GRM8: variants seen among roughly 807,000 people sequenced by gnomAD.
GRM8 encodes the protein metabotropic glutamate receptor 8.
GRM8 carries 47 observed loss-of-function variants against 87.2 expected under a neutral mutation model. The observed-to-expected ratio is 0.54, with a 90% CI of 0.43 to 0.69. The LOEUF (loss-of-function observed/expected upper bound fraction) is 0.69, where lower values mean the gene tolerates loss of function less well. Ranked by LOEUF, GRM8 falls within the 30% of genes least tolerant of loss-of-function variation. The pLI is 0.00. For missense variants in GRM8, 1,019 were observed against 1,139.2 expected, an observed-to-expected ratio of 0.89 and a Z score of 1.52; for synonymous variants, 396 against 404.5, an observed-to-expected ratio of 0.98 and a Z score of 0.25.
intron 3 of GRM8, chr7:127,084,264 A>G (rs1473056427): frequency 1.3e-5 from 2 of 152,218 alleles, no homozygotes; most frequent in African/African-American, 4.8e-5. Context: ...TTGGTAGAAT[A>G]TTAAAAATAG....
intron 3 of GRM8, among the ~76,000 whole-genome samples, chr7:126,936,283 G>A (rs542790603): frequency 1.6e-4 from 25 of 152,264 alleles, no homozygotes; most frequent in African/African-American, 6.0e-4. Flanking sequence ...CAGGGAAAGA[G>A]CTGAGTAACA....
At chr7:127,199,578 C>T (rs953511234) in intron 2 of GRM8, among the ~76,000 whole-genome samples, 2 of 152,194 alleles carry the variant, frequency 1.3e-5, no homozygotes, top group African/African-American at 4.8e-5. Context: ...TTACAACCAC[C>T]CCAGTTCCCT....
At chr7:126,939,593 C>A (rs978127955) in intron 3 of GRM8, among the ~76,000 whole-genome samples, 8 of 152,114 alleles carry the variant, frequency 5.3e-5, no homozygotes, top group African/African-American at 1.7e-4. Flanking sequence ...TAGTTAAATA[C>A]CTCATCATAA....
At chr7:126,747,639 A>G (rs1230764567) in intron 7 of GRM8, among the ~76,000 whole-genome samples, 2 of 152,054 alleles carry the variant, frequency 1.3e-5, no homozygotes, top group East Asian at 3.8e-4. Context: ...TCTCATTACT[A>G]ACAAAAATAT....
At chr7:126,908,972 A>G (rs1041595981) in intron 3 of GRM8, among the ~76,000 whole-genome samples, 1 of 152,222 alleles carries the variant, frequency 6.6e-6, no homozygotes, top group African/African-American at 2.4e-5. Context: ...CTTAACCCTG[A>G]TACCCATTCA....
At chr7:127,126,814 G>GA (rs1039761116) in intron 2 of GRM8, among the ~76,000 whole-genome samples, 1 of 151,902 alleles carries the variant, frequency 6.6e-6, no homozygotes, top group Non-Finnish European at 1.5e-5. Context: ...AGATTGAGGA[G>GA]AAAATACTTG....
intron 3 of GRM8, among the ~76,000 whole-genome samples, chr7:127,076,961 A>T (rs562295421): frequency 5.3e-5 from 8 of 152,164 alleles, no homozygotes; most frequent in Non-Finnish European, 1.0e-4. Context: ...AGATGGAATG[A>T]CTTCCAGGGT....
At chr7:127,197,070 T>C (rs967608448) in intron 2 of GRM8, among the ~76,000 whole-genome samples, 3 of 152,174 alleles carry the variant, frequency 2.0e-5, no homozygotes, top group African/African-American at 7.2e-5. Context: ...CTATTAGCTA[T>C]ATATTTTTAT....
intron 8 of GRM8, among the ~76,000 whole-genome samples, chr7:126,581,809 G>C (rs1795637038): frequency 6.6e-6 from 1 of 151,938 alleles, no homozygotes; most frequent in Admixed American, 6.6e-5. Flanking sequence ...TGTGGTCCGT[G>C]ATCTGTTTTG....
At chr7:126,983,102 C>T (rs1256041754) in intron 3 of GRM8, among the ~76,000 whole-genome samples, 1 of 152,104 alleles carries the variant, frequency 6.6e-6, no homozygotes, top group African/African-American at 2.4e-5. Context: ...AGGAGGAGCC[C>T]AAAGTGTCCA....
chr7:127,159,601 A>T (rs1792968294), intron 2 of GRM8, among the ~76,000 whole-genome samples: 2 of 152,192 alleles, frequency 1.3e-5, no homozygotes, highest in South Asian at 4.1e-4. Flanking sequence ...TGAAAGTTGA[A>T]CTTTAAAAAA....
intron 6 of GRM8, among the ~76,000 whole-genome samples, chr7:126,826,778 T>C (rs1231576759): frequency 2.0e-5 from 3 of 152,140 alleles, no homozygotes; most frequent in Non-Finnish European, 1.5e-5. Context: ...GTTTTGGACA[T>C]GAAGTCCTTG....
At chr7:126,728,816 G>A (rs774616617) in intron 7 of GRM8, among the ~76,000 whole-genome samples, 1 of 152,082 alleles carries the variant, frequency 6.6e-6, no homozygotes, top group Non-Finnish European at 1.5e-5. Flanking sequence ...TATGTGAGGT[G>A]CTCCCAGCTG....
At chr7:127,205,467 A>G (rs976319948) in intron 2 of GRM8, among the ~76,000 whole-genome samples, 5 of 151,620 alleles carry the variant, frequency 3.3e-5, no homozygotes, top group Admixed American at 6.6e-5. Context: ...AAAACCAACC[A>G]CTCATTTTCC....
At chr7:127,163,499 G>A (rs963396430) in intron 2 of GRM8, among the ~76,000 whole-genome samples, 1 of 152,170 alleles carries the variant, frequency 6.6e-6, no homozygotes, top group Admixed American at 6.5e-5. Flanking sequence ...TGTAACTAGG[G>A]CATGGGTGCT....
At chr7:126,541,769 G>A (rs1198924344) in intron 8 of GRM8, among the ~76,000 whole-genome samples, 5 of 152,170 alleles carry the variant, frequency 3.3e-5, no homozygotes, top group African/African-American at 1.2e-4. Context: ...GTACATACAA[G>A]AAAGATTCCT....
In GRM8 at chr7:126,798,987, G is replaced by A. The variant is rs112893115; in HGVS notation, c.1157-28922C>T. ...ACTATTGGAGAACACTCCAGAGCCT[G>A]GTTTGACTGCCTCAGAGACATTATA... On this transcript the variant is annotated intron_variant, in intron 6 of 10. Transcript: ENST00000339582. Among the ~76,000 whole-genome samples, 149 of 152,262 alleles carry A rather than the reference G, an allele frequency of 9.8e-4. 1 individual carries two copies. The highest frequency in any genetic ancestry group is 4.3e-3 in the Admixed American group (66 of 15,280).
Position 126,685,717 on chromosome 7 carries a change from G to A in GRM8, c.1358-76219C>T, listed in dbSNP as rs1209856437. On this transcript the variant is annotated intron_variant, in intron 7 of 10. Transcript: ENST00000339582. This position sits in a 1 kb window ranked among gnomAD's most constrained non-coding sequence, Gnocchi z 4.2. The stretch of plus-strand genomic sequence containing the variant: ...CAAGCACAGGAGGGAGGCACAAGGG[G>A]TGCTGAGGACAGCGGGGTACTGGCC... 1.3e-5 allele frequency among the ~76,000 whole-genome samples: 2 copies of A among 152,136 alleles called. No homozygotes were observed. Among genetic ancestry groups the A allele is most frequent in the East Asian group, 1.9e-4 (1 of 5,148 alleles).
intron 1 of GRM8, among the ~76,000 whole-genome samples, chr7:127,244,032 T>C (rs1304623392): frequency 6.6e-6 from 1 of 151,870 alleles, no homozygotes; most frequent in Non-Finnish European, 1.5e-5. Flanking sequence ...GAGAAAGAAA[T>C]CCACCCAAAG....
Sources: gnomAD v4.1 joint callset for allele counts (sites outside exome capture counted in the v4.1 genomes callset) on GRCh38, gnomAD v4.1.1 for gene constraint, Gnocchi (gnomAD v3.1) non-coding constraint, MANE v1.5 for transcripts, NCBI Gene and HGNC (gene_info 2026-07-23, HGNC 2026-07-21) for gene names.